The following DENND5A variants were observed in gnomAD, a reference collection of about 807,000 sequenced individuals.
DENND5A encodes the protein DENN domain-containing protein 5A.
A neutral mutation model predicts 140.3 loss-of-function variants in DENND5A; 64 were observed. That is an observed-to-expected ratio of 0.46 (90% CI 0.37 to 0.56). DENND5A has a LOEUF of 0.56. DENND5A is among the 20% of genes least tolerant of loss of function. The pLI, the probability that DENND5A is intolerant of heterozygous loss-of-function variation, is 0.00. For synonymous variants in DENND5A, 605 were observed against 607.7 expected, an observed-to-expected ratio of 1.00 and a Z score of 0.07; for missense variants, 1,292 against 1,593.8, an observed-to-expected ratio of 0.81 and a Z score of 3.22.
intron 17 of DENND5A, 40 bp downstream of exon 17, chr11:9,145,630 C>T (rs1847403542): frequency 1.2e-6 from 2 of 1,611,736 alleles, no homozygotes; most frequent in East Asian, 4.5e-5. Context: ...CTGTTGCAAA[C>T]TCAGATCCCC....
rs777481158 is a variant in DENND5A at position 9,139,323 on chromosome 11, G to A, written c.*348C>T. 9 of 215,980 alleles carry A rather than the reference G, an allele frequency of 4.2e-5. No homozygotes were observed. The highest frequency in any genetic ancestry group is 9.1e-5 in the African/African-American group (4 of 43,962). The allele number at this position is 215,980 out of a possible 1,614,324, so 13.4% of individuals were successfully genotyped here. ...TGTGGAAGGGCCTCATTAATGCGAC[G>A]GGGCAAGGAAACATAACTGTCCCGC... On this transcript the variant is annotated 3_prime_UTR_variant, in exon 23 of 23. Transcript: ENST00000328194.
At chr11:9,176,984 G>A (rs1032311257) in intron 8 of DENND5A, 2 of 453,996 alleles carry the variant, frequency 4.4e-6, no homozygotes, top group African/African-American at 4.0e-5. Context: ...GCTGGGCACA[G>A]TGGCTAACGC....
chr11:9,173,782 C>T (rs1032846030), intron 8 of DENND5A, among the ~76,000 whole-genome samples: 1 of 152,046 alleles, frequency 6.6e-6, no homozygotes, highest in East Asian at 1.9e-4. Context: ...AGCTAGTAAA[C>T]CAACAAAGTA....
intron 1 of DENND5A, among the ~76,000 whole-genome samples, chr11:9,221,133 A>G (rs530122178): frequency 6.6e-6 from 1 of 152,032 alleles, no homozygotes; most frequent in East Asian, 2.0e-4. Flanking sequence ...AGAATCAGAG[A>G]TTAAAACATT....
intron 8 of DENND5A, among the ~76,000 whole-genome samples, chr11:9,172,894 C>G (rs1590231677): frequency 1.3e-5 from 2 of 152,090 alleles, no homozygotes; most frequent in African/African-American, 4.8e-5. Context: ...TGGCTCACTA[C>G]AACCTCCACC....
chr11:9,252,348 G>GTGTTT (rs1384180225), intron 1 of DENND5A, among the ~76,000 whole-genome samples: 1 of 141,080 alleles, frequency 7.1e-6, no homozygotes, highest in African/African-American at 2.6e-5. Context: ...GTAATAGCCT[G>GTGTTT]TGTTTAATTA....
intron 12 of DENND5A, among the ~76,000 whole-genome samples, chr11:9,154,098 T>C (rs1847724014): frequency 6.6e-6 from 1 of 152,206 alleles, no homozygotes; most frequent in Non-Finnish European, 1.5e-5. Context: ...ATGACTTTGG[T>C]TCTATAATAA....
At chr11:9,157,888 C>T (rs1321407790) in intron 12 of DENND5A, among the ~76,000 whole-genome samples, 1 of 152,094 alleles carries the variant, frequency 6.6e-6, no homozygotes, top group East Asian at 1.9e-4. Flanking sequence ...TCAGAAAGTG[C>T]AAGTTGCTTA....
chr11:9,217,736 G>C lies in DENND5A; in HGVS notation c.110-10104C>G, dbSNP rs190605006. Reference sequence around the variant, plus strand: ...TTGTATACTGTAAGCAGGTAAACTAGGCTATGTAAAGTATATCTTCATAAA... The same window carrying C: ...TTGTATACTGTAAGCAGGTAAACTACGCTATGTAAAGTATATCTTCATAAA... On this transcript the variant is annotated intron_variant, in intron 1 of 22. Coordinates refer to ENST00000328194, the MANE Select transcript of DENND5A (RefSeq NM_015213.4). 1.7e-3 allele frequency among the ~76,000 whole-genome samples: 263 copies of C among 152,198 alleles called. 2 individuals carry two copies. The highest frequency in any genetic ancestry group is 6.2e-3 in the African/African-American group (256 of 41,530).
At chr11:9,139,902 G>A in intron 22 of DENND5A, 48 bp from the exon 23 acceptor site, 4 of 1,577,880 alleles carry the variant, frequency 2.5e-6, no homozygotes, top group Non-Finnish European at 3.5e-6. Context: ...CAAAGGAAAA[G>A]GAAGAGAGAG....
intron 5 of DENND5A, among the ~76,000 whole-genome samples, chr11:9,188,575 G>A (rs541257573): frequency 6.6e-6 from 1 of 152,292 alleles, no homozygotes; most frequent in South Asian, 2.1e-4. Flanking sequence ...TGCTAATAAT[G>A]ATATGGACAA....
intron 1 of DENND5A, among the ~76,000 whole-genome samples, chr11:9,263,224 A>G (rs1483664188): frequency 6.6e-6 from 1 of 151,544 alleles, no homozygotes; most frequent in Non-Finnish European, 1.5e-5. Flanking sequence ...TTTTTCCCAG[A>G]CAGAGTCTCG....
intron 3 of DENND5A, 86 bp from the exon 4 acceptor site, chr11:9,204,403 G>A: frequency 1.5e-6 from 2 of 1,307,350 alleles, no homozygotes; most frequent in South Asian, 1.4e-5. Context: ...TTTATTTATA[G>A]AGCACCTACT....
Position 9,265,114 on chromosome 11 carries a change from G to GC in DENND5A, c.-46dup, listed in dbSNP as rs1413560038. The GC allele has an allele frequency of 1.5e-5, 17 of 1,169,298 alleles. 1 individual carries two copies. In the South Asian group the frequency reaches 5.2e-4, roughly 36 times the overall value. 72.4% of individuals were successfully genotyped at this position (1,169,298 alleles called of 1,614,324 possible). A position where few individuals can be genotyped will look rare whatever the true frequency, so the allele number is the denominator to read the frequency against. On this transcript the variant is annotated 5_prime_UTR_variant, in exon 1 of 23. Transcript: ENST00000328194. This position sits in a 1 kb window ranked among gnomAD's most constrained non-coding sequence, Gnocchi z 4.7. Reference sequence around the variant, plus strand: ...GCCGGGCAGTGCGGAGCGGCACCGAGCCCCCGCAACCCGGGCGCCCGCCCG... The same window carrying GC: ...GCCGGGCAGTGCGGAGCGGCACCGAGCCCCCCGCAACCCGGGCGCCCGCCCG...
chr11:9,169,817 G>T, intron 10 of DENND5A, 39 bp downstream of exon 10: 1 of 1,220,720 alleles, frequency 8.2e-7, no homozygotes, highest in Non-Finnish European at 1.2e-6. Flanking sequence ...TGCACAGCAT[G>T]ATAGCAAGGT....
intron 4 of DENND5A, 64 bp from the exon 5 acceptor site, chr11:9,193,745 C>T (rs889140860): frequency 1.5e-6 from 2 of 1,374,378 alleles, no homozygotes; most frequent in Non-Finnish European, 2.0e-6. Context: ...ACTTGCTTTC[C>T]AAACAGTAAG....
chr11:9,170,815 C>A, intron 8 of DENND5A, 38 bp from the exon 9 acceptor site: 1 of 1,590,608 alleles, frequency 6.3e-7, no homozygotes, highest in South Asian at 1.1e-5. Flanking sequence ...CACACACACA[C>A]ACATAAATAC....
Position 9,168,575 on chromosome 11 carries a change from T to G in DENND5A, c.2151+1281A>C, listed in dbSNP as rs530575115. On this transcript the variant is annotated intron_variant, in intron 10 of 22. Coordinates refer to ENST00000328194, the MANE Select transcript of DENND5A (RefSeq NM_015213.4). ...TGAAAATAGTAATGAGGAGGTTAGG[T>G]GGAAGACAGACTTTTAAAATAACAC... Among the ~76,000 whole-genome samples, 12 of 152,186 alleles carry G rather than the reference T, an allele frequency of 7.9e-5. No individual in the cohort carries two copies. In the South Asian group the frequency reaches 2.3e-3, roughly 29 times the overall value.
intron 12 of DENND5A, among the ~76,000 whole-genome samples, chr11:9,153,236 G>T (rs1454306843): frequency 2.4e-5 from 2 of 84,816 alleles, no homozygotes; most frequent in African/African-American, 1.2e-4. Flanking sequence ...AGGATCACTC[G>T]AACCGAACCT....
Sources: allele counts gnomAD v4.1 joint callset (sites outside exome capture counted in the v4.1 genomes callset), GRCh38; gene constraint gnomAD v4.1.1; non-coding constraint Gnocchi (gnomAD v3.1); transcripts MANE v1.5; gene names NCBI Gene and HGNC (gene_info 2026-07-23, HGNC 2026-07-21).